The following MCFD2 variants were observed in gnomAD, a reference collection of about 807,000 sequenced individuals.
MCFD2 encodes the protein multiple coagulation factor deficiency protein 2.
A neutral mutation model predicts 12.8 loss-of-function variants in MCFD2; 11 were observed. The observed-to-expected ratio is 0.86, with a 90% confidence interval of 0.54 to 1.42. MCFD2 has a LOEUF of 1.42. Among genes scored for constraint, MCFD2 ranks in the 40% most tolerant of loss-of-function variants. The pLI is 0.00. For synonymous variants in MCFD2, 70 were observed against 68.1 expected (o/e 1.03, Z -0.14); for missense variants, 191 against 178.6 (o/e 1.07, Z -0.40).
chr2:46,921,837 T>G (rs1237136775), intron 1 of MCFD2, among the ~76,000 whole-genome samples: 1 of 152,150 alleles, frequency 6.6e-6, no homozygotes, highest in Non-Finnish European at 1.5e-5. Context: ...AGGGTTCGCG[T>G]TCCTGTGAGA....
chr2:46,915,843 C>A, upstream of MCFD2: 1 of 918,516 alleles, frequency 1.1e-6, no homozygotes, highest in Non-Finnish European at 1.3e-6. Flanking sequence ...GCCCTGCGCA[C>A]GCGCGCTCCC....
At chr2:46,915,826 C>G (rs1446052635), upstream of MCFD2, 158 of 420,100 alleles carry the variant, frequency 3.8e-4, 9 homozygotes, top group Middle Eastern at 1.0e-3. Context: ...CCCCCCCCCC[C>G]CGACCTGCCC....
chr2:46,938,331 T>G (rs1405930746), intron 1 of MCFD2, among the ~76,000 whole-genome samples: 1 of 152,164 alleles, frequency 6.6e-6, no homozygotes, highest in Non-Finnish European at 1.5e-5. Context: ...TTGATCACTA[T>G]TATACCTTTT....
intron 1 of MCFD2, among the ~76,000 whole-genome samples, chr2:46,931,374 C>T (rs1275508454): frequency 6.6e-6 from 1 of 152,242 alleles, no homozygotes; most frequent in Non-Finnish European, 1.5e-5. Flanking sequence ...CCATAAGCCA[C>T]CATGCTCAGA....
At chr2:46,923,182 C>T (rs780321095) in intron 1 of MCFD2, among the ~76,000 whole-genome samples, 2 of 152,188 alleles carry the variant, frequency 1.3e-5, no homozygotes, top group Non-Finnish European at 2.9e-5. Flanking sequence ...TCTCCAAGCC[C>T]TGTTATTTTG....
rs557780803 is a variant in MCFD2 at position 46,940,982 on chromosome 2, G to A, written c.-8+590C>T. Among the ~76,000 whole-genome samples the A allele has an allele frequency of 1.3e-5, 2 of 152,224 alleles. No homozygotes were observed. The highest frequency in any genetic ancestry group is 6.5e-5 in the Admixed American group (1 of 15,304). Reference sequence around the variant, plus strand: ...ATGGGATGGGGAGGGGGCGGGAAGCGAGGCGCCCCCGGGCGCCGGGGCTCC... The same window carrying A: ...ATGGGATGGGGAGGGGGCGGGAAGCAAGGCGCCCCCGGGCGCCGGGGCTCC... On this transcript the variant is annotated intron_variant, in intron 1 of 2. Coordinates refer to the MCFD2 transcript ENST00000409147. This position sits in a 1 kb window ranked among gnomAD's most constrained non-coding sequence, Gnocchi z 4.7.
rs1305771199 is a variant in MCFD2, at chr2:46,941,003, G to T, written c.-8+569C>A. On this transcript the variant is annotated intron_variant, in intron 1 of 2. Transcript: ENST00000409147. The surrounding 1 kb of genome is among the most constrained non-coding windows in gnomAD (Gnocchi z 4.2). ...AAGCGAGGCGCCCCCGGGCGCCGGG[G>T]CTCCGCGCGGGATTAAAGTGAGCTC... 6.6e-6 allele frequency among the ~76,000 whole-genome samples: 1 copy of T among 151,508 alleles called. No individual in the cohort carries two copies. Among genetic ancestry groups the T allele is most frequent in the Non-Finnish European group, 1.5e-5 (1 of 67,948 alleles).
At chr2:46,923,907 T>C (rs1206300049) in intron 1 of MCFD2, among the ~76,000 whole-genome samples, 3 of 152,066 alleles carry the variant, frequency 2.0e-5, no homozygotes, top group African/African-American at 4.8e-5. Flanking sequence ...TAATTTTCTT[T>C]GTATTTTTAG....
chr2:46,941,822 G>A lies in MCFD2; in HGVS notation c.-258C>T, dbSNP rs545167988. 4.9e-5 allele frequency: 71 copies of A among 1,459,542 alleles called. 3 individuals carry two copies. In the East Asian group the frequency reaches 1.7e-3, roughly 34 times the overall value. The allele number at this position is 1,459,542 out of a possible 1,614,324, so 90.4% of individuals were successfully genotyped here. ...CCAGACAGTCCTCGGCCGACAGCGG[G>A]CGCCTGCCAGCCCACCGTGCTAGTC... On this transcript the variant is annotated 5_prime_UTR_variant, in exon 1 of 3. Coordinates refer to the MCFD2 transcript ENST00000409147. The surrounding 1 kb of genome is among the most constrained non-coding windows in gnomAD (Gnocchi z 4.2).
intron 1 of MCFD2, among the ~76,000 whole-genome samples, chr2:46,930,887 A>G (rs975939961): frequency 7.2e-5 from 11 of 152,202 alleles, no homozygotes; most frequent in Admixed American, 7.2e-4. Flanking sequence ...GCTTTATATG[A>G]ACTCTTTGGA....
In MCFD2 at chr2:46,909,135, A is replaced by G. The variant is rs1375324203; in HGVS notation, c.37T>C (p.Cys13Arg). Residue 13 changes from cysteine (C) to arginine (R), a missense_variant, in exon 2 of 4, where the codon TGT becomes CGT. Coordinates refer to ENST00000319466, the MANE Select transcript of MCFD2 (RefSeq NM_139279.6). ...GCACAAAAGGCCCAGAGCAGGCCAC[A>G]CAGGAAGGGGGTTCTGAGCAGGGAT... ...MRSLLRTPFLCGLLWAFCAPG... is the reference protein window; with the variant it reads ...MRSLLRTPFLRGLLWAFCAPG... The G allele has an allele frequency of 1.9e-6, 3 of 1,614,088 alleles. No individual in the cohort carries two copies. Among genetic ancestry groups the G allele is most frequent in the Admixed American group, 3.3e-5 (2 of 60,002 alleles).
chr2:46,905,401 A>C lies in MCFD2; in HGVS notation c.*62T>G, dbSNP rs886056117. 100 of 1,583,268 alleles carry C rather than the reference A, an allele frequency of 6.3e-5. No individual in the cohort carries two copies. The highest frequency in any genetic ancestry group is 4.6e-5 in the Non-Finnish European group (53 of 1,154,270). Reference sequence around the variant, plus strand: ...GAAATGAGTTATTTTGCATTACTAAAGTGTTCAATCACATTATCACGGGTC... The same window carrying C: ...GAAATGAGTTATTTTGCATTACTAACGTGTTCAATCACATTATCACGGGTC... On this transcript the variant is annotated 3_prime_UTR_variant, in exon 4 of 4. Transcript: ENST00000319466.
intron 1 of MCFD2, among the ~76,000 whole-genome samples, chr2:46,925,689 C>A (rs1208851105): frequency 6.6e-6 from 1 of 151,988 alleles, no homozygotes; most frequent in Non-Finnish European, 1.5e-5. Context: ...CCACCTCCCC[C>A]AAAAAAACCC....
Position 46,941,817 on chromosome 2 carries a change from A to G in MCFD2, c.-253T>C, listed in dbSNP as rs1670426972. On this transcript the variant is annotated 5_prime_UTR_variant, in exon 1 of 3. Coordinates refer to the MCFD2 transcript ENST00000409147. This position sits in a 1 kb window ranked among gnomAD's most constrained non-coding sequence, Gnocchi z 4.2. ...CGCGCCCAGACAGTCCTCGGCCGAC[A>G]GCGGGCGCCTGCCAGCCCACCGTGC... The G allele has an allele frequency of 6.7e-7, 1 of 1,491,052 alleles. No homozygotes were observed. The highest frequency in any genetic ancestry group is 9.1e-7 in the Non-Finnish European group (1 of 1,103,562). 92.4% of individuals were successfully genotyped at this position (1,491,052 alleles called of 1,614,324 possible). A position where few individuals can be genotyped will look rare whatever the true frequency, so the allele number is the denominator to read the frequency against.
intron 1 of MCFD2, among the ~76,000 whole-genome samples, chr2:46,926,542 C>T (rs761227710): frequency 2.0e-5 from 3 of 152,010 alleles, no homozygotes; most frequent in Non-Finnish European, 4.4e-5. Context: ...GGACCACAGC[C>T]GAATGTCAAT....
chr2:46,908,355 A>T lies in MCFD2; in HGVS notation c.150-386T>A, dbSNP rs554291842. 4.4e-4 allele frequency: 141 copies of T among 316,934 alleles called. No homozygotes were observed. The highest frequency in any genetic ancestry group is 9.0e-4 in the Admixed American group (19 of 21,056). 19.6% of individuals were successfully genotyped at this position (316,934 alleles called of 1,614,324 possible). A position where few individuals can be genotyped will look rare whatever the true frequency, so the allele number is the denominator to read the frequency against. The stretch of plus-strand genomic sequence containing the variant: ...GGCTCATTGTAGCCTCAACTTCCCA[A>T]GCTCAGTTGATTCTCCCACTTCAGC... On this transcript the variant is annotated intron_variant, in intron 2 of 3. Transcript: ENST00000319466. The surrounding 1 kb of genome is among the most constrained non-coding windows in gnomAD (Gnocchi z 4.5).
At chr2:46,923,000 T>C (rs980836020) in intron 1 of MCFD2, among the ~76,000 whole-genome samples, 65 of 152,342 alleles carry the variant, frequency 4.3e-4, no homozygotes, top group African/African-American at 1.4e-3. Context: ...AAGGCTATTT[T>C]AAAGTATACG....
Position 46,940,929 on chromosome 2 carries a change from G to T in MCFD2, c.-8+643C>A, listed in dbSNP as rs1472073578. On this transcript the variant is annotated intron_variant, in intron 1 of 2. Transcript: ENST00000409147. The surrounding 1 kb of genome is among the most constrained non-coding windows in gnomAD (Gnocchi z 4.7). The stretch of plus-strand genomic sequence containing the variant: ...CCACCACACAAAGCCAGGTCGTCGG[G>T]CAGTGGTCTCCCAGGCTAAGAGCCC... Among the ~76,000 whole-genome samples the T allele has an allele frequency of 6.6e-6, 1 of 152,130 alleles. No homozygotes were observed. Among genetic ancestry groups the T allele is most frequent in the Non-Finnish European group, 1.5e-5 (1 of 68,014 alleles).
chr2:46,934,190 G>T (rs1354274086), intron 1 of MCFD2, among the ~76,000 whole-genome samples: 1 of 152,194 alleles, frequency 6.6e-6, no homozygotes, highest in Admixed American at 6.5e-5. Flanking sequence ...TCTTACCCAG[G>T]ATGATAAAAG....
Sources: allele counts gnomAD v4.1 joint callset (sites outside exome capture counted in the v4.1 genomes callset), GRCh38; gene constraint gnomAD v4.1.1; non-coding constraint Gnocchi (gnomAD v3.1); transcripts MANE v1.5; gene names NCBI Gene and HGNC (gene_info 2026-07-23, HGNC 2026-07-21).